TENM2: variants seen among roughly 807,000 people sequenced by gnomAD.
TENM2 encodes teneurin transmembrane protein 2, also known as teneurin-2.
TENM2 carries 52 observed loss-of-function variants against 245.2 expected under a neutral mutation model. The observed-to-expected ratio is 0.21, with a 90% CI of 0.17 to 0.27. The LOEUF is 0.27. Ranked by LOEUF, TENM2 falls within the 10% of genes least tolerant of loss-of-function variation. The probability of loss-of-function intolerance (pLI) is 1.00; values close to 1 mark genes in which losing one functional copy is unlikely to be tolerated. For missense variants in TENM2, 3,046 were observed against 3,666.8 expected, an observed-to-expected ratio of 0.83 and a Z score of 4.37; for synonymous variants, 1,363 against 1,438.9, an observed-to-expected ratio of 0.95 and a Z score of 1.19.
chr5:167,340,089 C>T lies in TENM2; in HGVS notation c.227-35109C>T, dbSNP rs114547547. Among the ~76,000 whole-genome samples the T allele has an allele frequency of 3.5e-3, 527 of 152,324 alleles. 3 individuals carry two copies. The highest frequency in any genetic ancestry group is 0.012 in the African/African-American group (498 of 41,568). On this transcript the variant is annotated intron_variant, in intron 1 of 28. Transcript: ENST00000518659. ...TCAATTGCATCACTTGTAAGTTCTA[C>T]CTTCCACAAAACACTGGAACACAGA... is the stretch of plus-strand genomic sequence containing the variant.
chr5:167,124,887 C>G, the TENM2 span, among the ~76,000 whole-genome samples: 43 of 152,254 alleles, frequency 2.8e-4, 1 homozygote, highest in Admixed American at 2.3e-3. Flanking sequence ...TGAGGAGCAG[C>G]AGCAACGTTC....
At chr5:168,003,089 C>A (rs1327539330) in intron 5 of TENM2, among the ~76,000 whole-genome samples, 2 of 152,114 alleles carry the variant, frequency 1.3e-5, no homozygotes, top group Non-Finnish European at 2.9e-5. Flanking sequence ...CCAGGACCAT[C>A]AGGGGAACAG....
intron 2 of TENM2, among the ~76,000 whole-genome samples, chr5:167,829,508 G>A (rs370601595): frequency 1.2e-4 from 18 of 152,296 alleles, no homozygotes; most frequent in East Asian, 1.9e-4. Context: ...TGTCAATTTC[G>A]TGGATCTCTA....
At chr5:168,081,499 T>G (rs997465735) in intron 7 of TENM2, among the ~76,000 whole-genome samples, 3 of 152,232 alleles carry the variant, frequency 2.0e-5, no homozygotes, top group Admixed American at 1.3e-4. Context: ...ATTTTGCTCA[T>G]TAATTGATGT....
chr5:167,620,241 C>A (rs2127768299), intron 2 of TENM2, among the ~76,000 whole-genome samples: 1 of 152,112 alleles, frequency 6.6e-6, no homozygotes, highest in East Asian at 1.9e-4. Flanking sequence ...CGGTGTAAAC[C>A]AAGAGGACAG....
chr5:167,863,037 A>T (rs546856253), intron 2 of TENM2, among the ~76,000 whole-genome samples: 1 of 152,340 alleles, frequency 6.6e-6, no homozygotes, highest in South Asian at 2.1e-4. Flanking sequence ...ATGCTTAATT[A>T]GAGAGCTCTG....
intron 2 of TENM2, among the ~76,000 whole-genome samples, chr5:167,695,359 A>T (rs2150416960): frequency 6.6e-6 from 1 of 152,346 alleles, no homozygotes; most frequent in South Asian, 2.1e-4. Flanking sequence ...ACTTTTATGC[A>T]CACTGAAATT....
intron 2 of TENM2, among the ~76,000 whole-genome samples, chr5:167,656,957 T>TTC (rs200325253): frequency 6.6e-6 from 1 of 151,566 alleles, no homozygotes; most frequent in East Asian, 1.9e-4. Context: ...TTTTTTTTTT[T>TTC]GCATTGGAAA....
chr5:167,441,141 A>G (rs1417625413), intron 2 of TENM2, among the ~76,000 whole-genome samples: 1 of 152,192 alleles, frequency 6.6e-6, no homozygotes, highest in Non-Finnish European at 1.5e-5. Flanking sequence ...GCTCTCATTC[A>G]TGGAGAGTTA....
the TENM2 span, among the ~76,000 whole-genome samples, chr5:167,016,579 A>G: frequency 6.6e-6 from 1 of 152,228 alleles, no homozygotes; most frequent in Non-Finnish European, 1.5e-5. Context: ...AGAAAATGTG[A>G]TATCTACATA....
the TENM2 span, among the ~76,000 whole-genome samples, chr5:167,208,692 T>A: frequency 6.6e-6 from 1 of 152,238 alleles, no homozygotes; most frequent in Non-Finnish European, 1.5e-5. Context: ...AAACGGAACA[T>A]CTTCTTAAGA....
intron 12 of TENM2, among the ~76,000 whole-genome samples, chr5:168,160,246 G>T (rs1395293041): frequency 2.0e-5 from 3 of 152,150 alleles, no homozygotes; most frequent in Admixed American, 6.5e-5. Flanking sequence ...AGCTCATTTT[G>T]TTCCTGCAGA....
intron 10 of TENM2, among the ~76,000 whole-genome samples, chr5:168,122,639 A>T (rs866831613): frequency 6.6e-6 from 1 of 152,190 alleles, no homozygotes. Flanking sequence ...TAATAACAAG[A>T]TTATGTAACA....
chr5:168,247,572 C>A lies in TENM2; in HGVS notation c.6633C>A (p.Leu2211=), dbSNP rs1022084640. The stretch of plus-strand genomic sequence containing the variant: ...ATGACTACGATGGGGACGGGCAGCT[C>A]CAGAGCGTGGCCGTCAATGACCGCC... Residue 2211 remains leucine (L), a synonymous_variant, in exon 27 of 29, where the codon CTC becomes CTA. Transcript: ENST00000518659. The surrounding 1 kb of genome is among the most constrained non-coding windows in gnomAD (Gnocchi z 7.8). The A allele has an allele frequency of 6.2e-7, 1 of 1,612,970 alleles. No homozygotes were observed. The highest frequency in any genetic ancestry group is 2.2e-5 in the East Asian group (1 of 44,846).
At chr5:168,075,863 G>A (rs1791421716) in intron 7 of TENM2, among the ~76,000 whole-genome samples, 1 of 152,166 alleles carries the variant, frequency 6.6e-6, no homozygotes, top group Non-Finnish European at 1.5e-5. Context: ...GCAGGCAAGA[G>A]AGCATTTGCA....
chr5:167,906,127 T>C (rs1013886872), intron 3 of TENM2, among the ~76,000 whole-genome samples: 11 of 152,090 alleles, frequency 7.2e-5, no homozygotes, highest in Non-Finnish European at 1.3e-4. Context: ...AGCCCCAAGA[T>C]TTCCCACTGA....
the TENM2 span, among the ~76,000 whole-genome samples, chr5:167,198,309 C>A: frequency 1.3e-5 from 2 of 152,048 alleles, no homozygotes; most frequent in African/African-American, 4.8e-5. Context: ...TGAAAGCTGG[C>A]CACTAATTTG....
chr5:167,021,123 C>G, the TENM2 span, among the ~76,000 whole-genome samples: 2 of 148,372 alleles, frequency 1.3e-5, no homozygotes, highest in African/African-American at 4.9e-5. Context: ...CAGAGTGAGA[C>G]TCTGTCTCAA....
At chr5:167,630,185 A>G (rs1227197169) in intron 2 of TENM2, among the ~76,000 whole-genome samples, 1 of 151,356 alleles carries the variant, frequency 6.6e-6, no homozygotes, top group African/African-American at 2.4e-5. Context: ...TTTTACTTAG[A>G]AGAAACACTT....
Sources: allele counts gnomAD v4.1 joint callset (sites outside exome capture counted in the v4.1 genomes callset), GRCh38; gene constraint gnomAD v4.1.1; non-coding constraint Gnocchi (gnomAD v3.1); transcripts MANE v1.5; gene names NCBI Gene and HGNC (gene_info 2026-07-23, HGNC 2026-07-21).